The following YTHDF2 variants were observed in gnomAD, a reference collection of about 807,000 sequenced individuals.
The protein encoded by YTHDF2 is YTH domain-containing family protein 2.
Under a neutral mutation model 50.4 loss-of-function variants are expected in YTHDF2, and 2 were observed. The observed-to-expected ratio is 0.04, with a 90% CI of 0.02 to 0.12. The LOEUF is 0.12. Ranked by LOEUF, YTHDF2 falls within the 10% of genes least tolerant of loss-of-function variation. YTHDF2 has a pLI of 1.00. For missense variants in YTHDF2, 483 were observed against 722.6 expected (o/e 0.67, Z 3.80); for synonymous variants, 217 against 255.6 (o/e 0.85, Z 1.44).
intron 4 of YTHDF2, among the ~76,000 whole-genome samples, chr1:28,748,684 A>AT (rs2087902754): frequency 6.6e-6 from 1 of 152,150 alleles, no homozygotes; most frequent in Admixed American, 6.5e-5. Flanking sequence ...ACTTACTTTT[A>AT]TTTTTTTAAA....
intron 3 of YTHDF2, among the ~76,000 whole-genome samples, 163 bp from the exon 4 acceptor site, chr1:28,742,240 C>T (rs568886370): frequency 2.6e-5 from 4 of 152,138 alleles, no homozygotes; most frequent in East Asian, 1.9e-4. Context: ...GGTGATCCAC[C>T]CGCCTCCACC....
chr1:28,763,957 AT>A (rs146019011), intron 4 of YTHDF2, among the ~76,000 whole-genome samples: 1 of 141,908 alleles, frequency 7.0e-6, no homozygotes, highest in Non-Finnish European at 1.5e-5. Flanking sequence ...TATTTATTTT[AT>A]TTTTTTTTGA....
rs967910137 is a variant in YTHDF2 at position 28,736,997 on chromosome 1, C to A, written c.-124C>A. 3.2e-6 allele frequency: 4 copies of A among 1,263,544 alleles called. No homozygotes were observed. Among genetic ancestry groups the A allele is most frequent in the Admixed American group, 2.2e-5 (1 of 45,500 alleles). The allele number at this position is 1,263,544 out of a possible 1,614,324, so 78.3% of individuals were successfully genotyped here. A position where few individuals can be genotyped will look rare whatever the true frequency, so the allele number is the denominator to read the frequency against. On this transcript the variant is annotated 5_prime_UTR_variant, in exon 1 of 5. Transcript: ENST00000373812. ...CCGCGCGCTGTGTCTCCGCTGCGTC[C>A]GCCGAGGCCCCCGAGTGTCAGGGAC...
At position 28,744,074 on chromosome 1, in the gene YTHDF2, ACT is replaced by A. The variant is rs1315559096; in HGVS notation, c.1716+91_1716+92del. 7 of 1,358,158 alleles carry A rather than the reference ACT, an allele frequency of 5.2e-6. No homozygotes were observed. The African/African-American group carries it at 8.9e-5, about 17-fold the overall frequency. The allele number at this position is 1,358,158 out of a possible 1,614,324, so 84.1% of individuals were successfully genotyped here. On this transcript the variant is annotated intron_variant, in intron 4 of 4. Transcript: ENST00000373812. ...ATTATATAGTGAACCGTTAATAAAA[ACT>A]CTGTAAATGAATACAGTATCACCTA...
intron 4 of YTHDF2, among the ~76,000 whole-genome samples, chr1:28,755,814 A>G (rs879428175): frequency 1.1e-4 from 16 of 152,210 alleles, no homozygotes; most frequent in Non-Finnish European, 2.2e-4. Flanking sequence ...AGCATTTCCT[A>G]TTTTGGATTT....
At chr1:28,753,655 G>T (rs1243708105) in intron 4 of YTHDF2, among the ~76,000 whole-genome samples, 1 of 151,594 alleles carries the variant, frequency 6.6e-6, no homozygotes, top group East Asian at 1.9e-4. Flanking sequence ...AAGTGATAAC[G>T]CTGGAGAGAT....
intron 4 of YTHDF2, among the ~76,000 whole-genome samples, chr1:28,749,317 G>T (rs2087913463): frequency 6.6e-6 from 1 of 150,914 alleles, no homozygotes; most frequent in African/African-American, 2.4e-5. Context: ...TCAGCCTCTC[G>T]CGTAGCTGGG....
At chr1:28,741,979 A>G (rs2087783324) in intron 3 of YTHDF2, among the ~76,000 whole-genome samples, 1 of 152,138 alleles carries the variant, frequency 6.6e-6, no homozygotes, top group African/African-American at 2.4e-5. Flanking sequence ...TTCAGTTATT[A>G]CACCAAAATT....
At position 28,743,110 on chromosome 1, in the gene YTHDF2, C is replaced by G; in HGVS notation, c.840C>G (p.Asn280Lys). 6.2e-7 allele frequency: 1 copy of G among 1,614,166 alleles called. No individual in the cohort carries two copies. Among genetic ancestry groups the G allele is most frequent in the East Asian group, 2.2e-5 (1 of 44,884 alleles). The change falls in exon 4 of 5, where the codon AAC becomes AAG. Residue 280 changes from asparagine (N) to lysine (K), a missense_variant. Transcript: ENST00000373812. The surrounding 1 kb of genome is among the most constrained non-coding windows in gnomAD (Gnocchi z 6.9). ...KHNMDIGTWD[N>K]KGPVAKAPSQ... ...ACATGGATATTGGAACTTGGGATAA[C>G]AAGGGTCCCGTTGCAAAAGCCCCCT...
chr1:28,768,830 A>G (rs2088259812), intron 4 of YTHDF2, 99 bp from the exon 5 acceptor site: 1 of 905,878 alleles, frequency 1.1e-6, no homozygotes, highest in East Asian at 2.8e-5. Context: ...ATAATTCTAA[A>G]TAATTAAATT....
At chr1:28,739,526 C>A (rs2087746411) in intron 3 of YTHDF2, among the ~76,000 whole-genome samples, 1 of 151,596 alleles carries the variant, frequency 6.6e-6, no homozygotes, top group Admixed American at 6.6e-5. Context: ...TCTTGAATTC[C>A]TGAGCTCAAG....
chr1:28,737,024 A>G lies in YTHDF2; in HGVS notation c.-97A>G, dbSNP rs2087698289. Reference sequence around the variant, plus strand: ...CCGAGGCCCCCGAGTGTCAGGGACAAAAGCCTCCGCCTGCTCCCGCAGACG... The same window carrying G: ...CCGAGGCCCCCGAGTGTCAGGGACAGAAGCCTCCGCCTGCTCCCGCAGACG... On this transcript the variant is annotated 5_prime_UTR_variant, in exon 1 of 5. Transcript: ENST00000373812. The G allele has an allele frequency of 2.0e-6, 3 of 1,498,054 alleles. No homozygotes were observed. The highest frequency in any genetic ancestry group is 2.7e-6 in the Non-Finnish European group (3 of 1,110,858). The allele number at this position is 1,498,054 out of a possible 1,614,324, so 92.8% of individuals were successfully genotyped here.
At chr1:28,762,542 G>A (rs183746798) in intron 4 of YTHDF2, among the ~76,000 whole-genome samples, 90 of 152,272 alleles carry the variant, frequency 5.9e-4, no homozygotes, top group African/African-American at 2.1e-3. Context: ...TAATTTTGTG[G>A]GAGAGATAAA....
rs1570464644 is a variant in YTHDF2 at position 28,744,116 on chromosome 1, T to C, written c.1716+130T>C. On this transcript the variant is annotated intron_variant, in intron 4 of 4. Coordinates refer to ENST00000373812, the MANE Select transcript of YTHDF2 (RefSeq NM_016258.3). ...AGTATCACCTAACAGTTCAAGGCTT[T>C]ATAGAAGTATAATTGGTTTTAATAC... The C allele has an allele frequency of 2.2e-5, 22 of 1,000,664 alleles. No homozygotes were observed. The South Asian group carries it at 5.1e-4, about 23-fold the overall frequency. 62.0% of individuals were successfully genotyped at this position (1,000,664 alleles called of 1,614,324 possible). A position where few individuals can be genotyped will look rare whatever the true frequency, so the allele number is the denominator to read the frequency against.
chr1:28,752,296 T>G (rs1014223966), intron 4 of YTHDF2, among the ~76,000 whole-genome samples: 1 of 151,290 alleles, frequency 6.6e-6, no homozygotes, highest in Admixed American at 6.6e-5. Flanking sequence ...CTGTGGTGTT[T>G]TTGTTGTTGT....
At chr1:28,744,206 A>G (rs2087821985) in intron 4 of YTHDF2, among the ~76,000 whole-genome samples, 1 of 152,236 alleles carries the variant, frequency 6.6e-6, no homozygotes, top group African/African-American at 2.4e-5. Context: ...CTTTGAAAGG[A>G]AAGCAAAAAC....
At chr1:28,737,973 ACT>A in intron 2 of YTHDF2, 4 of 565,914 alleles carry the variant, frequency 7.1e-6, no homozygotes, top group Admixed American at 3.2e-5. Flanking sequence ...CTCGTGGATC[ACT>A]CTCTGGAAGT....
chr1:28,751,090 C>CAAAAAAAAAAAA (rs56916547), intron 4 of YTHDF2, among the ~76,000 whole-genome samples: 3,137 of 33,544 alleles, frequency 0.094, 738 homozygotes, highest in Middle Eastern at 0.14. Flanking sequence ...GAGACTGTCT[C>CAAAAAAAAAAAA]AAAAAAAAAA....
At chr1:28,755,724 G>A (rs2088026774) in intron 4 of YTHDF2, among the ~76,000 whole-genome samples, 1 of 152,176 alleles carries the variant, frequency 6.6e-6, no homozygotes, top group Non-Finnish European at 1.5e-5. Flanking sequence ...TTCAGGTTGA[G>A]TATTCCTAAT....
Sources: gnomAD v4.1 joint callset for allele counts (sites outside exome capture counted in the v4.1 genomes callset) on GRCh38, gnomAD v4.1.1 for gene constraint, Gnocchi (gnomAD v3.1) non-coding constraint, MANE v1.5 for transcripts, NCBI Gene and HGNC (gene_info 2026-07-23, HGNC 2026-07-21) for gene names.